NUP133: variants seen among roughly 807,000 people sequenced by gnomAD.
NUP133 encodes nuclear pore complex protein Nup133.
A neutral mutation model predicts 146.2 loss-of-function variants in NUP133; 66 were observed. The observed-to-expected ratio is 0.45, with a 90% CI of 0.37 to 0.55. The LOEUF (loss-of-function observed/expected upper bound fraction) is 0.55. Among genes scored for constraint, NUP133 ranks in the 20% least tolerant of loss-of-function variants. The pLI is 0.00. For missense variants in NUP133, 1,277 were observed against 1,374.8 expected (o/e 0.93, Z 1.12); for synonymous variants, 521 against 498.8 (o/e 1.04, Z -0.59).
intron 2 of NUP133, among the ~76,000 whole-genome samples, chr1:229,503,915 T>C (rs918892113): frequency 1.3e-5 from 2 of 152,168 alleles, no homozygotes; most frequent in Admixed American, 1.3e-4. Context: ...ATATGAGTAG[T>C]ACATTAAAAG....
At chr1:229,476,474 G>A (rs1293311961) in intron 13 of NUP133, among the ~76,000 whole-genome samples, 2 of 152,310 alleles carry the variant, frequency 1.3e-5, no homozygotes, top group Admixed American at 6.5e-5. Context: ...AGTTTCTGAG[G>A]TGGAAGTAAG....
intron 20 of NUP133, 95 bp downstream of exon 20, chr1:229,460,516 T>C (rs1381043218): frequency 3.2e-6 from 4 of 1,253,110 alleles, no homozygotes; most frequent in Non-Finnish European, 4.4e-6. Context: ...CTCAGGTATA[T>C]GACAGTAAAC....
At chr1:229,460,472 C>G (rs1322189443) in intron 20 of NUP133, 139 bp downstream of exon 20, 14 of 791,548 alleles carry the variant, frequency 1.8e-5, no homozygotes, top group Non-Finnish European at 2.7e-5. Flanking sequence ...CCACCATGCC[C>G]AGCTCCCTTA....
At chr1:229,490,486 ATG>A (rs1234797817) in intron 8 of NUP133, among the ~76,000 whole-genome samples, 2 of 152,094 alleles carry the variant, frequency 1.3e-5, no homozygotes, top group African/African-American at 4.8e-5. Context: ...TTTACACTGT[ATG>A]TTCCATTTCT....
At chr1:229,479,354 G>A (rs935628299) in intron 12 of NUP133, among the ~76,000 whole-genome samples, 4 of 152,176 alleles carry the variant, frequency 2.6e-5, no homozygotes, top group African/African-American at 9.7e-5. Flanking sequence ...ACAGTTCAAA[G>A]CCGTGTTGTT....
chr1:229,500,259 T>C (rs1661764180), intron 4 of NUP133, among the ~76,000 whole-genome samples: 1 of 152,144 alleles, frequency 6.6e-6, no homozygotes, highest in Admixed American at 6.5e-5. Flanking sequence ...ACTTTTCTTT[T>C]ATGGATCATG....
chr1:229,505,672 A>C (rs1325704600), intron 2 of NUP133, among the ~76,000 whole-genome samples: 1 of 151,238 alleles, frequency 6.6e-6, no homozygotes, highest in African/African-American at 2.4e-5. Flanking sequence ...AGATCACCTG[A>C]GGTCAGGAGT....
rs766905498 is a variant in NUP133 at position 229,464,769 on chromosome 1, G to A, written c.2406C>T (p.Thr802=). 2.7e-5 allele frequency: 44 copies of A among 1,614,032 alleles called. No homozygotes were observed. The Admixed American group carries it at 4.3e-4, about 16-fold the overall frequency. ...QADSNLRNIV[T]EQLVALIDCF... is the part of the protein sequence containing the mutation. ...AATCGATCAGGGCTACCAGCTGCTC[G>A]GTCACGATGTTTCGGAGGTTGCTGT... is the stretch of plus-strand genomic sequence containing the variant. The change falls in exon 18 of 26, where the codon ACC becomes ACT. Residue 802 remains threonine, a synonymous_variant. Coordinates refer to ENST00000261396, the MANE Select transcript of NUP133 (RefSeq NM_018230.3).
intron 8 of NUP133, among the ~76,000 whole-genome samples, chr1:229,494,624 T>C (rs1661606274): frequency 6.6e-6 from 1 of 152,216 alleles, no homozygotes; most frequent in Non-Finnish European, 1.5e-5. Flanking sequence ...ATGGGATAAT[T>C]AGCTTTATCA....
chr1:229,459,234 T>C (rs2102754138), intron 20 of NUP133, among the ~76,000 whole-genome samples: 1 of 152,204 alleles, frequency 6.6e-6, no homozygotes, highest in South Asian at 2.1e-4. Context: ...ATATAAAAAA[T>C]GTTCCTGGCT....
chr1:229,494,995 G>A (rs993065036), intron 8 of NUP133, among the ~76,000 whole-genome samples: 1 of 152,160 alleles, frequency 6.6e-6, no homozygotes, highest in Non-Finnish European at 1.5e-5. Flanking sequence ...TACTATTTAA[G>A]GCTGAAAAAT....
At chr1:229,482,126 G>A (rs530342444) in intron 12 of NUP133, among the ~76,000 whole-genome samples, 1 of 152,258 alleles carries the variant, frequency 6.6e-6, no homozygotes, top group Admixed American at 6.5e-5. Flanking sequence ...AAGATTAAAA[G>A]AATATAATTT....
chr1:229,460,029 C>T (rs1388305223), intron 20 of NUP133, among the ~76,000 whole-genome samples: 1 of 152,132 alleles, frequency 6.6e-6, no homozygotes, highest in South Asian at 2.1e-4. Flanking sequence ...CACTTGTTAC[C>T]TTCACCTTTT....
rs772291758 is a variant in NUP133, at chr1:229,475,711, G to A, written c.1778C>T (p.Thr593Met). 1.7e-5 allele frequency: 28 copies of A among 1,613,760 alleles called. No homozygotes were observed. Among genetic ancestry groups the A allele is most frequent in the Admixed American group, 1.7e-4 (10 of 60,002 alleles). The change falls in exon 14 of 26, where the codon ACG (threonine) becomes ATG (methionine). Residue 593 changes from threonine (T) to methionine (M), a missense_variant. By Grantham distance (81) the Thr-to-Met change is moderately conservative. This residue lies in a region of NUP133 where 952 missense variants were observed against 1,047.0 expected (regional missense o/e 0.91). Coordinates refer to ENST00000261396, the MANE Select transcript of NUP133 (RefSeq NM_018230.3). ...TAGCTGGTGAAGGATAATCAGTGACGTATTGCTGAACCCAGGTGCTTCTGT... is the reference window on the plus strand; with the variant it reads ...TAGCTGGTGAAGGATAATCAGTGACATATTGCTGAACCCAGGTGCTTCTGT... The part of the protein sequence containing the change: ...VPEEAPGFSN[T>M]SLIILHQLED...
rs755708855 is a variant in NUP133, at chr1:229,441,057, G to C, written c.*847C>G. 4.0e-5 allele frequency: 8 copies of C among 197,882 alleles called. No individual in the cohort carries two copies. The highest frequency in any genetic ancestry group is 1.6e-4 in the Admixed American group (3 of 18,752). 12.3% of individuals were successfully genotyped at this position (197,882 alleles called of 1,614,324 possible). A position where few individuals can be genotyped will look rare whatever the true frequency, so the allele number is the denominator to read the frequency against. On this transcript the variant is annotated 3_prime_UTR_variant, in exon 26 of 26. Transcript: ENST00000261396. ...TTGAGTGAGTGATGACACTGGTCAGGACAAAGCTCTGAGAGTACAGTACCT... is the reference window on the plus strand; with the variant it reads ...TTGAGTGAGTGATGACACTGGTCAGCACAAAGCTCTGAGAGTACAGTACCT...
At chr1:229,502,394 C>T (rs1661823690) in intron 2 of NUP133, among the ~76,000 whole-genome samples, 1 of 151,514 alleles carries the variant, frequency 6.6e-6, no homozygotes, top group Non-Finnish European at 1.5e-5. Flanking sequence ...TCCAACTCTA[C>T]TAAAACTACA....
intron 11 of NUP133, among the ~76,000 whole-genome samples, chr1:229,485,667 G>T (rs529533249): frequency 6.6e-6 from 1 of 152,146 alleles, no homozygotes; most frequent in African/African-American, 2.4e-5. Context: ...ATCAACAGAT[G>T]CATCAGGAGA....
chr1:229,502,341 C>T (rs767845381), intron 2 of NUP133, among the ~76,000 whole-genome samples: 3 of 151,540 alleles, frequency 2.0e-5, no homozygotes, highest in South Asian at 2.1e-4. Context: ...GGGAGGATCA[C>T]GAGGTCAGGA....
At chr1:229,457,552 T>C (rs538023177) in intron 21 of NUP133, among the ~76,000 whole-genome samples, 2 of 152,218 alleles carry the variant, frequency 1.3e-5, no homozygotes, top group Non-Finnish European at 2.9e-5. Flanking sequence ...GCTAAGTAAA[T>C]AGCTGTTATA....
Sources: allele counts gnomAD v4.1 joint callset (sites outside exome capture counted in the v4.1 genomes callset), GRCh38; gene constraint gnomAD v4.1.1; regional missense constraint gnomAD v4.1.1; transcripts MANE v1.5; gene names NCBI Gene and HGNC (gene_info 2026-07-23, HGNC 2026-07-21).